Variants in DIP2B observed in about 807,000 individuals in gnomAD.
DIP2B encodes the protein disco-interacting protein 2 homolog B.
Under a neutral mutation model 198.0 loss-of-function variants are expected in DIP2B, and 76 were observed. That is an observed-to-expected ratio of 0.38 (90% CI 0.32 to 0.46). The LOEUF (loss-of-function observed/expected upper bound fraction) is 0.46, where lower values mean the gene tolerates loss of function less well. Ranked by LOEUF, DIP2B falls within the 20% of genes least tolerant of loss-of-function variation. The pLI, the probability that DIP2B is intolerant of heterozygous loss-of-function variation, is 0.99. For missense variants in DIP2B, 1,559 were observed against 1,978.4 expected (o/e 0.79, Z 4.02); for synonymous variants, 701 against 739.1 (o/e 0.95, Z 0.84).
At chr12:50,615,930 T>C (rs978344016) in intron 1 of DIP2B, among the ~76,000 whole-genome samples, 1 of 152,238 alleles carries the variant, frequency 6.6e-6, no homozygotes, top group Non-Finnish European at 1.5e-5. Context: ...CCTCAGGTCA[T>C]TTGTAGAGCA....
chr12:50,564,889 T>G (rs1371585395), intron 1 of DIP2B, among the ~76,000 whole-genome samples: 2 of 152,198 alleles, frequency 1.3e-5, no homozygotes, highest in Non-Finnish European at 2.9e-5. Flanking sequence ...AGTCAGCATT[T>G]CCCATGAGAT....
At chr12:50,699,044 A>T in intron 18 of DIP2B, 22 bp from the exon 19 acceptor site, 4 of 1,612,314 alleles carry the variant, frequency 2.5e-6, no homozygotes, top group Non-Finnish European at 3.4e-6. Flanking sequence ...TTGTCCTTTA[A>T]CCTGTATTTT....
In DIP2B at chr12:50,714,404, A is replaced by G; in HGVS notation, c.2659A>G (p.Ser887Gly). 1.2e-6 allele frequency: 2 copies of G among 1,614,242 alleles called. No individual in the cohort carries two copies. Among genetic ancestry groups the G allele is most frequent in the African/African-American group, 1.3e-5 (1 of 75,064 alleles). The change falls in exon 23 of 38, where the codon AGC (serine) becomes GGC (glycine). Residue 887 changes from serine to glycine, a missense_variant. By Grantham distance (56) the Ser-to-Gly change is moderately conservative. Transcript: ENST00000301180. ...GTTTGTATTTTTCTAGGCGATCGAT[A>G]GCATTCATCAAGTGGGGGTTTATTG... ...WMSRVLQAID[S>G]IHQVGVYCLA...
chr12:50,686,685 A>G lies in DIP2B; in HGVS notation c.1551+3A>G, dbSNP rs1215387916. On this transcript the variant is annotated splice_donor_region_variant and intron_variant, in intron 12 of 37. Transcript: ENST00000301180. Reference sequence around the variant, plus strand: ...GGACAGAACCGGCATACATTGAGGTAAGTCCTAAGATGTAAAATATGCTTT... The same window carrying G: ...GGACAGAACCGGCATACATTGAGGTGAGTCCTAAGATGTAAAATATGCTTT... 1 of 1,611,696 alleles carries G rather than the reference A, an allele frequency of 6.2e-7. No individual in the cohort carries two copies. The highest frequency in any genetic ancestry group is 8.5e-7 in the Non-Finnish European group (1 of 1,179,094).
chr12:50,514,308 G>A (rs1470920872), intron 1 of DIP2B, among the ~76,000 whole-genome samples: 2 of 151,822 alleles, frequency 1.3e-5, no homozygotes, highest in African/African-American at 2.4e-5. Flanking sequence ...CAGGTGATCC[G>A]CCCACCTCTG....
chr12:50,522,270 G>A (rs963492959), intron 1 of DIP2B, among the ~76,000 whole-genome samples: 2 of 152,098 alleles, frequency 1.3e-5, no homozygotes, highest in African/African-American at 4.8e-5. Context: ...CAAAGTGCTG[G>A]AATTACAGGT....
At chr12:50,685,795 T>G (rs1190782743) in intron 10 of DIP2B, 38 bp from the exon 11 acceptor site, 1 of 1,600,326 alleles carries the variant, frequency 6.2e-7, no homozygotes, top group South Asian at 1.1e-5. Flanking sequence ...GTGCTCACAT[T>G]CGCTCCCCTA....
Position 50,660,227 on chromosome 12 carries a change from C to A in DIP2B, c.335C>A (p.Ala112Glu). ...ACAGAAGCAGTTCAGGCTGCACTGG[C>A]AAAGCATAAAGAACAGAAGATGGCT... is the stretch of plus-strand genomic sequence containing the variant. The part of the protein sequence containing the change: ...IHTEAVQAAL[A>E]KHKEQKMALP... The change falls in exon 4 of 38, where the codon GCA (alanine) becomes GAA (glutamate). Residue 112 changes from alanine (A) to glutamate (E), a missense_variant. Physicochemically the swap from Ala to Glu is moderately radical, Grantham distance 107. Coordinates refer to ENST00000301180, the MANE Select transcript of DIP2B (RefSeq NM_173602.3). 1 of 1,612,562 alleles carries A rather than the reference C, an allele frequency of 6.2e-7. No individual in the cohort carries two copies. Among genetic ancestry groups the A allele is most frequent in the Non-Finnish European group, 8.5e-7 (1 of 1,179,356 alleles).
In DIP2B at chr12:50,546,920, C is replaced by G. The variant is rs575137070; in HGVS notation, c.100+41680C>G. ...TATAAATAATTTAGAAACACATTAC[C>G]TATAATACAAAACAATTAAAAAATA... On this transcript the variant is annotated intron_variant, in intron 1 of 37. Transcript: ENST00000301180. Among the ~76,000 whole-genome samples, 17 of 152,218 alleles carry G rather than the reference C, an allele frequency of 1.1e-4. No homozygotes were observed. The East Asian group carries it at 3.1e-3, about 28-fold the overall frequency.
chr12:50,531,170 C>T lies in DIP2B; in HGVS notation c.100+25930C>T, dbSNP rs1036389225. Among the ~76,000 whole-genome samples, 8 of 152,166 alleles carry T rather than the reference C, an allele frequency of 5.3e-5. No homozygotes were observed. In the South Asian group the frequency reaches 6.2e-4, roughly 12 times the overall value. On this transcript the variant is annotated intron_variant, in intron 1 of 37. Transcript: ENST00000301180. ...ACGCCATTCTCCTGCCTCAGCCTCC[C>T]GAGTAGCTGGGACTACAGATGCCTG... is the stretch of plus-strand genomic sequence containing the variant.
intron 1 of DIP2B, among the ~76,000 whole-genome samples, chr12:50,578,661 T>C (rs974207203): frequency 5.9e-5 from 9 of 151,838 alleles, no homozygotes; most frequent in African/African-American, 1.7e-4. Flanking sequence ...GCGCCCGCCA[T>C]CACACCCGGC....
chr12:50,705,416 G>A (rs1230971226), intron 20 of DIP2B, among the ~76,000 whole-genome samples: 1 of 152,136 alleles, frequency 6.6e-6, no homozygotes, highest in Non-Finnish European at 1.5e-5. Context: ...CATGATTGAT[G>A]TCCAAAATGG....
intron 2 of DIP2B, among the ~76,000 whole-genome samples, chr12:50,629,124 C>G (rs10444547): frequency 0.27 from 41,442 of 152,060 alleles, 6,022 homozygotes; most frequent in East Asian, 0.39. Flanking sequence ...TTAAGCAATC[C>G]ACCCGTCTCG....
intron 3 of DIP2B, among the ~76,000 whole-genome samples, chr12:50,659,692 A>G (rs946564048): frequency 6.6e-6 from 1 of 152,186 alleles, no homozygotes; most frequent in Non-Finnish European, 1.5e-5. Flanking sequence ...TTCTAGATCA[A>G]AATAAATCCT....
At chr12:50,656,688 C>T (rs1308189398) in intron 3 of DIP2B, among the ~76,000 whole-genome samples, 1 of 152,208 alleles carries the variant, frequency 6.6e-6, no homozygotes, top group Non-Finnish European at 1.5e-5. Context: ...TCTTGTGCCT[C>T]AGCCTCCCAA....
Position 50,660,318 on chromosome 12 carries a change from T to C in DIP2B, c.426T>C (p.Pro142=). 1 of 1,602,412 alleles carries C rather than the reference T, an allele frequency of 6.2e-7. No homozygotes were observed. Among genetic ancestry groups the C allele is most frequent in the Non-Finnish European group, 8.5e-7 (1 of 1,175,370 alleles). The stretch of plus-strand genomic sequence containing the variant: ...CTCCTGCAGATGCCTGCACACCTCC[T>C]GGTAGGTTTATCAGAGCTTTTTCTC... The part of the protein sequence containing the change: ...VQSPADACTP[P]DTSSASEDEG... Residue 142 remains proline, a splice_region_variant and synonymous_variant, in exon 4 of 38, where the codon CCT becomes CCC. Transcript: ENST00000301180.
chr12:50,561,688 A>G (rs1207430106), intron 1 of DIP2B, among the ~76,000 whole-genome samples: 1 of 152,180 alleles, frequency 6.6e-6, no homozygotes, highest in Non-Finnish European at 1.5e-5. Flanking sequence ...GCTTACTGCA[A>G]CCTCTGCCTT....
intron 1 of DIP2B, among the ~76,000 whole-genome samples, chr12:50,524,809 GCTTCCTCTTC>G (rs1958148824): frequency 6.6e-6 from 1 of 152,088 alleles, no homozygotes; most frequent in African/African-American, 2.4e-5. Flanking sequence ...CTCAACTGCA[GCTTCCTCTTC>G]CTGGGCTCAA....
chr12:50,639,658 T>G (rs770435687), intron 2 of DIP2B, among the ~76,000 whole-genome samples: 1 of 152,016 alleles, frequency 6.6e-6, no homozygotes, highest in Non-Finnish European at 1.5e-5. Flanking sequence ...GAGCAGTACA[T>G]TTGCTGTGTA....
Sources: gnomAD v4.1 joint callset for allele counts (sites outside exome capture counted in the v4.1 genomes callset) on GRCh38, gnomAD v4.1.1 for gene constraint, MANE v1.5 for transcripts, NCBI Gene and HGNC (gene_info 2026-07-23, HGNC 2026-07-21) for gene names.